Variants in JAK1 observed in about 807,000 individuals in gnomAD.
The protein encoded by JAK1 is Janus kinase 1, also known as tyrosine-protein kinase JAK1.
JAK1 carries 16 observed loss-of-function variants against 136.6 expected under a neutral mutation model. The observed-to-expected ratio is 0.12, with a 90% confidence interval of 0.08 to 0.18. JAK1 has a LOEUF of 0.18. JAK1 is among the 10% of genes least tolerant of loss of function. The pLI, the probability that JAK1 is intolerant of heterozygous loss-of-function variation, is 1.00. For synonymous variants in JAK1, 492 were observed against 519.5 expected (o/e 0.95, Z 0.72); for missense variants, 859 against 1,450.1 (o/e 0.59, Z 6.62).
chr1:64,838,773 T>C (rs1201568561), intron 20 of JAK1, among the ~76,000 whole-genome samples, 184 bp from the exon 21 acceptor site: 2 of 152,160 alleles, frequency 1.3e-5, no homozygotes, highest in Non-Finnish European at 2.9e-5. Context: ...GTAACAATGG[T>C]GTACCTACCT....
intron 1 of JAK1, among the ~76,000 whole-genome samples, chr1:65,062,913 T>C (rs1450511526): frequency 6.6e-6 from 1 of 152,226 alleles, no homozygotes; most frequent in Non-Finnish European, 1.5e-5. Flanking sequence ...TTAATTCCAG[T>C]CTCTGTCTAT....
chr1:64,859,362 C>T (rs1210295495), intron 9 of JAK1, among the ~76,000 whole-genome samples: 1 of 152,222 alleles, frequency 6.6e-6, no homozygotes, highest in African/African-American at 2.4e-5. Context: ...GAGAAGCCAA[C>T]TACAGCTCCA....
chr1:64,837,055 C>G (rs979061319), intron 22 of JAK1, among the ~76,000 whole-genome samples: 2 of 152,172 alleles, frequency 1.3e-5, no homozygotes, highest in African/African-American at 4.8e-5. Context: ...CGCATGCTGT[C>G]TAGCAACCGT....
At chr1:64,875,108 T>C (rs929970359) in intron 4 of JAK1, among the ~76,000 whole-genome samples, 1 of 152,252 alleles carries the variant, frequency 6.6e-6, no homozygotes, top group Admixed American at 6.5e-5. Context: ...CTAACAAGTG[T>C]GTGCTCTAGG....
At chr1:64,901,083 G>A (rs1310948163) in intron 1 of JAK1, among the ~76,000 whole-genome samples, 1 of 152,134 alleles carries the variant, frequency 6.6e-6, no homozygotes, top group Non-Finnish European at 1.5e-5. Flanking sequence ...CGCTGTCTTT[G>A]AGCACCCTGA....
intron 2 of JAK1, chr1:64,985,033 A>G (rs577625360): frequency 2.4e-5 from 21 of 862,468 alleles, no homozygotes; most frequent in South Asian, 2.4e-4. Context: ...TCATCCTTCA[A>G]TAACAAACAA....
chr1:64,938,906 G>A (rs1406415657), intron 1 of JAK1, among the ~76,000 whole-genome samples: 1 of 152,142 alleles, frequency 6.6e-6, no homozygotes, highest in East Asian at 1.9e-4. Context: ...CATTCTTAAT[G>A]TTATAATTAA....
upstream of JAK1, among the ~76,000 whole-genome samples, chr1:64,968,863 CAG>C (rs989791386): frequency 7.1e-6 from 1 of 141,538 alleles, no homozygotes; most frequent in African/African-American, 2.6e-5. Context: ...AGCCGGGAGG[CAG>C]AGTTTGCAGT....
chr1:64,981,926 G>A (rs1008121989), intron 2 of JAK1, among the ~76,000 whole-genome samples: 1 of 152,190 alleles, frequency 6.6e-6, no homozygotes, highest in Admixed American at 6.5e-5. Flanking sequence ...CCACTAGGAT[G>A]CAAACTAAAC....
At chr1:65,032,029 G>C (rs1043032291) in intron 2 of JAK1, among the ~76,000 whole-genome samples, 1 of 149,738 alleles carries the variant, frequency 6.7e-6, no homozygotes, top group East Asian at 2.0e-4. Context: ...GCAGTGGCGC[G>C]ATCTCAGCTC....
At chr1:64,985,655 A>C in intron 2 of JAK1, 1 of 735,632 alleles carries the variant, frequency 1.4e-6, no homozygotes, top group Non-Finnish European at 2.4e-6. Context: ...GCAGGCCAAT[A>C]GGTGAGATGT....
In JAK1 at chr1:64,834,638, T is replaced by G. The variant is rs750575304; in HGVS notation, c.3389A>C (p.Lys1130Thr). The G allele has an allele frequency of 6.2e-7, 1 of 1,611,252 alleles. No individual in the cohort carries two copies. Among genetic ancestry groups the G allele is most frequent in the Non-Finnish European group, 8.5e-7 (1 of 1,177,600 alleles). Reference sequence around the variant, plus strand: ...ATTGGATGGTTGGAATTCCCAGCATTTCCTCATAAGTTGATAAACCTGTAA... The same window carrying G: ...ATTGGATGGTTGGAATTCCCAGCATGTCCTCATAAGTTGATAAACCTGTAA... ...CPDEVYQLMRKCWEFQPSNRT... is the reference protein window; with the variant it reads ...CPDEVYQLMRTCWEFQPSNRT... Residue 1130 changes from lysine to threonine, a missense_variant, in exon 25 of 25, where the codon AAA becomes ACA. This residue lies in a region of JAK1 where 53 missense variants were observed against 64.8 expected (regional missense o/e 0.82). Coordinates refer to ENST00000342505, the MANE Select transcript of JAK1 (RefSeq NM_002227.4).
intron 1 of JAK1, among the ~76,000 whole-genome samples, chr1:64,964,443 T>C (rs1646337534): frequency 6.6e-6 from 1 of 152,262 alleles, no homozygotes; most frequent in Non-Finnish European, 1.5e-5. Context: ...GTCGGAAGTA[T>C]ATGGCTTTAG....
intron 4 of JAK1, 81 bp downstream of exon 4, chr1:64,878,944 A>G: frequency 7.4e-7 from 1 of 1,358,326 alleles, no homozygotes; most frequent in Non-Finnish European, 1.0e-6. Context: ...ACTTCTTGGT[A>G]AGTGACTCAG....
At chr1:65,061,956 T>C (rs938180590) in intron 1 of JAK1, among the ~76,000 whole-genome samples, 1 of 152,150 alleles carries the variant, frequency 6.6e-6, no homozygotes, top group African/African-American at 2.4e-5. Flanking sequence ...CTGAGAGTGA[T>C]TAGAGAAGAG....
chr1:64,953,578 T>C (rs1244765206), intron 1 of JAK1, among the ~76,000 whole-genome samples: 1 of 152,206 alleles, frequency 6.6e-6, no homozygotes, highest in Non-Finnish European at 1.5e-5. Flanking sequence ...TTAAACTAAA[T>C]ATTTCACAAA....
At chr1:65,011,485 C>CA (rs1285931375) in intron 2 of JAK1, among the ~76,000 whole-genome samples, 1 of 151,958 alleles carries the variant, frequency 6.6e-6, no homozygotes, top group Non-Finnish European at 1.5e-5. Flanking sequence ...CAACAAAAAA[C>CA]AAAAAACCAG....
intron 2 of JAK1, among the ~76,000 whole-genome samples, chr1:65,017,360 C>T (rs1170200796): frequency 3.3e-5 from 5 of 151,874 alleles, no homozygotes; most frequent in Middle Eastern, 3.4e-3. Flanking sequence ...CCCAGCTACT[C>T]GGGAGGCTGA....
At chr1:65,034,428 T>C (rs896422279) in intron 2 of JAK1, among the ~76,000 whole-genome samples, 9 of 152,224 alleles carry the variant, frequency 5.9e-5, no homozygotes, top group Non-Finnish European at 4.4e-5. Context: ...GATTTTCTTT[T>C]GGAACAAGTG....
Sources: gnomAD v4.1 joint callset for allele counts (sites outside exome capture counted in the v4.1 genomes callset) on GRCh38, gnomAD v4.1.1 for gene constraint, gnomAD v4.1.1 regional missense constraint, MANE v1.5 for transcripts, NCBI Gene and HGNC (gene_info 2026-07-23, HGNC 2026-07-21) for gene names.